The following CTNNA3 variants were observed in gnomAD, a reference collection of about 807,000 sequenced individuals.
The protein encoded by CTNNA3 is catenin alpha 3, also known as catenin alpha-3.
In CTNNA3, 76 loss-of-function variants were observed where a neutral mutation model predicts 95.7. The observed-to-expected ratio is 0.79, with a 90% CI of 0.66 to 0.96. CTNNA3 has a LOEUF of 0.96. CTNNA3 is among the 40% of genes least tolerant of loss of function. The pLI is 0.00. For synonymous variants in CTNNA3, 431 were observed against 374.4 expected (o/e 1.15, Z -1.74); for missense variants, 1,191 against 1,089.8 (o/e 1.09, Z -1.31).
intron 5 of CTNNA3, among the ~76,000 whole-genome samples, chr10:67,463,533 T>A (rs1292372336): frequency 6.6e-6 from 1 of 152,208 alleles, no homozygotes; most frequent in African/African-American, 2.4e-5. Context: ...ATGATTACAG[T>A]CATGTCCTCT....
intron 8 of CTNNA3, among the ~76,000 whole-genome samples, chr10:66,769,699 G>A (rs540555738): frequency 1.2e-4 from 19 of 152,194 alleles, no homozygotes; most frequent in Admixed American, 5.2e-4. Flanking sequence ...CACACCACTG[G>A]GGGAAACCCT....
chr10:66,059,033 C>A (rs10822701), intron 15 of CTNNA3, among the ~76,000 whole-genome samples: 123,946 of 152,064 alleles, frequency 0.82, 50,622 homozygotes, highest in South Asian at 0.91. Flanking sequence ...CATTTGTCCC[C>A]AGAAGGTTGG....
intron 14 of CTNNA3, among the ~76,000 whole-genome samples, chr10:66,078,361 AC>A (rs1423042638): frequency 1.3e-5 from 2 of 151,836 alleles, no homozygotes; most frequent in Non-Finnish European, 2.9e-5. Flanking sequence ...CACTTCAAGA[AC>A]TTGTTATCCA....
chr10:67,308,310 G>C (rs1840641601), intron 5 of CTNNA3, among the ~76,000 whole-genome samples: 1 of 152,180 alleles, frequency 6.6e-6, no homozygotes, highest in Non-Finnish European at 1.5e-5. Context: ...TGAATCATGG[G>C]AGTGAGTTTT....
At chr10:67,639,902 A>G (rs1839466201) in intron 2 of CTNNA3, among the ~76,000 whole-genome samples, 1 of 152,220 alleles carries the variant, frequency 6.6e-6, no homozygotes, top group Non-Finnish European at 1.5e-5. Flanking sequence ...CCAATATCAT[A>G]CTGAATGGGC....
chr10:66,991,506 C>T (rs574248850), intron 7 of CTNNA3, among the ~76,000 whole-genome samples: 1 of 152,176 alleles, frequency 6.6e-6, no homozygotes, highest in East Asian at 1.9e-4. Flanking sequence ...TTATAAAGTA[C>T]ACTAACAAAT....
chr10:66,276,131 T>C (rs1290278209), intron 13 of CTNNA3, among the ~76,000 whole-genome samples: 1 of 152,154 alleles, frequency 6.6e-6, no homozygotes, highest in Non-Finnish European at 1.5e-5. Flanking sequence ...AAGTCAGATA[T>C]GCAAAATATG....
intron 7 of CTNNA3, among the ~76,000 whole-genome samples, chr10:67,176,100 G>A (rs1226156171): frequency 3.9e-5 from 6 of 152,052 alleles, no homozygotes; most frequent in African/African-American, 1.2e-4. Flanking sequence ...ATGTTTCCTG[G>A]AGTGTATTTT....
intron 11 of CTNNA3, among the ~76,000 whole-genome samples, chr10:66,437,237 C>G (rs1482376897): frequency 6.6e-6 from 1 of 152,076 alleles, no homozygotes; most frequent in South Asian, 2.1e-4. Flanking sequence ...GTTGGCCTGC[C>G]TTGCTAGGTT....
chr10:66,407,585 TA>T (rs1277507773), intron 11 of CTNNA3, among the ~76,000 whole-genome samples: 4 of 125,588 alleles, frequency 3.2e-5, no homozygotes, highest in African/African-American at 1.5e-4. Context: ...AACTTTTACA[TA>T]TTTTTTTTTT....
intron 1 of CTNNA3, among the ~76,000 whole-genome samples, chr10:67,757,162 G>A (rs953636591): frequency 8.5e-5 from 13 of 152,178 alleles, no homozygotes; most frequent in Non-Finnish European, 1.6e-4. Context: ...GTTCTAGGGG[G>A]AAAAACTGAA....
At chr10:67,104,706 T>C (rs1007772254) in intron 7 of CTNNA3, among the ~76,000 whole-genome samples, 2 of 151,932 alleles carry the variant, frequency 1.3e-5, no homozygotes, top group African/African-American at 4.8e-5. Flanking sequence ...TTTTACTCCA[T>C]CACAGGATCT....
At chr10:66,211,128 C>T (rs901232347) in intron 13 of CTNNA3, among the ~76,000 whole-genome samples, 6 of 152,104 alleles carry the variant, frequency 3.9e-5, no homozygotes, top group South Asian at 2.1e-4. Context: ...TGCTTCCAAA[C>T]GGCAGCACAG....
chr10:66,019,508 A>G (rs567342440), intron 15 of CTNNA3, among the ~76,000 whole-genome samples: 69 of 152,258 alleles, frequency 4.5e-4, no homozygotes, highest in Non-Finnish European at 2.4e-4. Flanking sequence ...TCTTTTGCCT[A>G]TATTTGTATA....
intron 9 of CTNNA3, among the ~76,000 whole-genome samples, chr10:66,687,232 G>A (rs1847330272): frequency 6.6e-6 from 1 of 151,882 alleles, no homozygotes. Context: ...AATGATGCAA[G>A]AAGGAGGCAA....
chr10:66,357,634 A>C (rs1447992064), intron 12 of CTNNA3, among the ~76,000 whole-genome samples: 1 of 152,118 alleles, frequency 6.6e-6, no homozygotes, highest in African/African-American at 2.4e-5. Context: ...TCTTTCACTC[A>C]GTATAATGTT....
intron 7 of CTNNA3, among the ~76,000 whole-genome samples, chr10:67,004,555 T>G (rs1381794460): frequency 6.6e-6 from 1 of 152,198 alleles, no homozygotes; most frequent in African/African-American, 2.4e-5. Context: ...GGCTTTTTTT[T>G]TCAGTGGAAA....
chr10:66,549,957 C>T (rs1842163839), intron 10 of CTNNA3, among the ~76,000 whole-genome samples: 2 of 152,134 alleles, frequency 1.3e-5, no homozygotes, highest in Admixed American at 6.5e-5. Flanking sequence ...ATATACTACT[C>T]TATTATACTA....
At chr10:66,381,692 CTT>C (rs1173920219) in intron 11 of CTNNA3, among the ~76,000 whole-genome samples, 2 of 152,054 alleles carry the variant, frequency 1.3e-5, no homozygotes, top group African/African-American at 2.4e-5. Flanking sequence ...TTTAAAGTCA[CTT>C]ATATTAAAAA....
Sources: allele counts gnomAD v4.1 joint callset (sites outside exome capture counted in the v4.1 genomes callset), GRCh38; gene constraint gnomAD v4.1.1; transcripts MANE v1.5; gene names NCBI Gene and HGNC (gene_info 2026-07-23, HGNC 2026-07-21).